Variants in POPDC1 observed in about 807,000 individuals in gnomAD.
The protein encoded by POPDC1 is popeye domain cAMP effector 1.
At chr6:105,133,535 T>C in the POPDC1 span, 2,199 of 1,613,740 alleles carry the variant, frequency 1.4e-3, 25 homozygotes, top group African/African-American at 0.026. Flanking sequence ...GTAAAACCTA[T>C]GGCAGTTGAT....
the POPDC1 span, among the ~76,000 whole-genome samples, chr6:105,121,103 A>C: frequency 5.3e-5 from 8 of 152,160 alleles, no homozygotes; most frequent in African/African-American, 1.9e-4. Context: ...CTTGAAGTCA[A>C]TAAAACTTTG....
At chr6:105,124,609 A>C in the POPDC1 span, 2 of 1,612,828 alleles carry the variant, frequency 1.2e-6, no homozygotes, top group Admixed American at 3.3e-5. Flanking sequence ...ATAAAGGCAC[A>C]GGGGTAAATG....
chr6:105,101,338 G>T, the POPDC1 span: 6 of 1,056,172 alleles, frequency 5.7e-6, no homozygotes, highest in South Asian at 2.2e-5. Flanking sequence ...GCAGCACCAA[G>T]AACACAATTT....
the POPDC1 span, among the ~76,000 whole-genome samples, chr6:105,114,089 G>A: frequency 6.6e-6 from 1 of 152,154 alleles, no homozygotes; most frequent in Non-Finnish European, 1.5e-5. Flanking sequence ...GAGGCAGAGA[G>A]AATTCTGTAC....
the POPDC1 span, among the ~76,000 whole-genome samples, chr6:105,122,077 A>G: frequency 1.3e-5 from 2 of 152,224 alleles, no homozygotes. Flanking sequence ...AAGTGGCAAT[A>G]TACATACTCC....
chr6:105,118,326 T>A, the POPDC1 span, among the ~76,000 whole-genome samples: 1 of 152,238 alleles, frequency 6.6e-6, no homozygotes, highest in East Asian at 1.9e-4. Context: ...AATGTCTGGC[T>A]ACTTTAAAAA....
At chr6:105,122,935 ATAAC>A in the POPDC1 span, among the ~76,000 whole-genome samples, 1 of 152,238 alleles carries the variant, frequency 6.6e-6, no homozygotes, top group Non-Finnish European at 1.5e-5. Context: ...GTAAATGCAC[ATAAC>A]TAACAAGCTG....
the POPDC1 span, chr6:105,098,721 C>A: frequency 1.3e-5 from 2 of 152,140 alleles, no homozygotes; most frequent in Admixed American, 6.5e-5. Flanking sequence ...AGGTACAGGG[C>A]GAAAGTGAGA....
At chr6:105,108,812 T>G in the POPDC1 span, among the ~76,000 whole-genome samples, 1 of 152,236 alleles carries the variant, frequency 6.6e-6, no homozygotes, top group Non-Finnish European at 1.5e-5. Flanking sequence ...TTTATTTGTC[T>G]TAGACTTTGT....
At chr6:105,120,488 A>G in the POPDC1 span, among the ~76,000 whole-genome samples, 2 of 152,276 alleles carry the variant, frequency 1.3e-5, no homozygotes, top group African/African-American at 2.4e-5. Flanking sequence ...TTTCCATAAA[A>G]TAAATTTACT....
chr6:105,098,168 A>G, the POPDC1 span: 2 of 152,196 alleles, frequency 1.3e-5, no homozygotes, highest in African/African-American at 2.4e-5. Context: ...TTTGGCAGCA[A>G]ACATGTTTTT....
At chr6:105,101,986 A>G in the POPDC1 span, among the ~76,000 whole-genome samples, 1 of 152,216 alleles carries the variant, frequency 6.6e-6, no homozygotes, top group Non-Finnish European at 1.5e-5. Context: ...AGAAGTCATT[A>G]TCAAAAGGCC....
At chr6:105,124,650 T>C in the POPDC1 span, 2 of 1,581,410 alleles carry the variant, frequency 1.3e-6, no homozygotes, top group African/African-American at 1.3e-5. Flanking sequence ...ATAGGAGACC[T>C]TCATTCTGAT....
the POPDC1 span, chr6:105,136,129 G>A: frequency 6.6e-6 from 1 of 151,960 alleles, no homozygotes; most frequent in African/African-American, 2.4e-5. Flanking sequence ...CGAGCGTCTT[G>A]CTAGTCGAGT....
At chr6:105,134,970 C>T in the POPDC1 span, among the ~76,000 whole-genome samples, 3 of 152,120 alleles carry the variant, frequency 2.0e-5, no homozygotes, top group Non-Finnish European at 4.4e-5. Flanking sequence ...ACAAAATTTG[C>T]TTTTCAAGGC....
the POPDC1 span, among the ~76,000 whole-genome samples, chr6:105,120,790 G>A: frequency 1.3e-5 from 2 of 152,228 alleles, no homozygotes; most frequent in African/African-American, 4.8e-5. Context: ...AGAAACCGCA[G>A]TGTGGCAATA....
At chr6:105,108,488 T>C in the POPDC1 span, among the ~76,000 whole-genome samples, 1 of 151,882 alleles carries the variant, frequency 6.6e-6, no homozygotes, top group Non-Finnish European at 1.5e-5. Flanking sequence ...CTCAGAGACT[T>C]GAAGAAAAAA....
the POPDC1 span, among the ~76,000 whole-genome samples, chr6:105,130,810 A>T: frequency 9.9e-5 from 15 of 152,210 alleles, no homozygotes; most frequent in Admixed American, 2.0e-4. Flanking sequence ...GTGGTACTAT[A>T]TTATGGGACC....
At chr6:105,105,834 G>A in the POPDC1 span, among the ~76,000 whole-genome samples, 3 of 152,156 alleles carry the variant, frequency 2.0e-5, no homozygotes, top group Admixed American at 2.0e-4. Flanking sequence ...GGAAGAAATA[G>A]AGCTTATCTT....
Sources: allele counts gnomAD v4.1 joint callset (sites outside exome capture counted in the v4.1 genomes callset), GRCh38; gene constraint gnomAD v4.1.1; transcripts MANE v1.5; gene names NCBI Gene and HGNC (gene_info 2026-07-23, HGNC 2026-07-21).